WDR43: variants seen among roughly 807,000 people sequenced by gnomAD.
WDR43 encodes WD repeat domain 43.
Under a neutral mutation model 91.4 loss-of-function variants are expected in WDR43, and 13 were observed. The observed-to-expected ratio is 0.14, with a 90% CI of 0.09 to 0.23. The LOEUF is 0.23. WDR43 is among the 10% of genes least tolerant of loss of function. The pLI is 1.00. For synonymous variants in WDR43, 331 were observed against 287.9 expected, an observed-to-expected ratio of 1.15 and a Z score of -1.51; for missense variants, 780 against 809.4, an observed-to-expected ratio of 0.96 and a Z score of 0.44.
chr2:28,903,384 T>G (rs1001811389), intron 2 of WDR43, among the ~76,000 whole-genome samples: 1 of 152,176 alleles, frequency 6.6e-6, no homozygotes, highest in Non-Finnish European at 1.5e-5. Context: ...TTTTACTAAT[T>G]TATGCTTAAT....
Position 28,927,259 on chromosome 2 carries a change from TTAG to T in WDR43, c.1174-305_1174-303del, listed in dbSNP as rs1328873641. On this transcript the variant is annotated intron_variant, in intron 9 of 17. Transcript: ENST00000407426. Reference sequence around the variant, plus strand: ...TGTAGTTTTTTAAAGCCAGTTGAATTTAGTAGTGGGGGCTTGTATACCAACGTT... The same window carrying T: ...TGTAGTTTTTTAAAGCCAGTTGAATTTAGTGGGGGCTTGTATACCAACGTT... The T allele has an allele frequency of 1.2e-5, 6 of 480,436 alleles. No individual in the cohort carries two copies. The East Asian group carries it at 3.1e-4, about 25-fold the overall frequency. 29.8% of individuals were successfully genotyped at this position (480,436 alleles called of 1,614,324 possible).
chr2:28,914,098 G>A lies in WDR43; in HGVS notation c.636G>A (p.Ser212=), dbSNP rs1422556703. The A allele has an allele frequency of 1.9e-6, 3 of 1,613,770 alleles. No individual in the cohort carries two copies. The highest frequency in any genetic ancestry group is 2.5e-6 in the Non-Finnish European group (3 of 1,179,830). The change falls in exon 5 of 18, where the codon TCG becomes TCA. Residue 212 remains serine, a synonymous_variant. Coordinates refer to ENST00000407426, the MANE Select transcript of WDR43 (RefSeq NM_015131.3). The part of the protein sequence containing the change: ...RHFTGHATPV[S]SLMFTTIRPP... ...TCACAGGACATGCAACGCCAGTTTC[G>A]TCACTGATGTTCACTACCATCAGAC...
chr2:28,908,255 C>T (rs1368109049), intron 3 of WDR43, among the ~76,000 whole-genome samples: 1 of 152,106 alleles, frequency 6.6e-6, no homozygotes, highest in African/African-American at 2.4e-5. Flanking sequence ...GACAAGTTGG[C>T]TTTGAAATAA....
intron 3 of WDR43, among the ~76,000 whole-genome samples, chr2:28,912,129 T>C (rs1670813383): frequency 6.6e-6 from 1 of 152,168 alleles, no homozygotes; most frequent in South Asian, 2.1e-4. Flanking sequence ...GGGTTGCAAC[T>C]TTAGAGAAAT....
At chr2:28,898,902 C>G (rs1336605983) in intron 1 of WDR43, among the ~76,000 whole-genome samples, 1 of 152,126 alleles carries the variant, frequency 6.6e-6, no homozygotes, top group African/African-American at 2.4e-5. Flanking sequence ...GTGCTTTTTT[C>G]TGTCTTCATC....
intron 2 of WDR43, among the ~76,000 whole-genome samples, chr2:28,905,886 T>A (rs536107455): frequency 2.6e-5 from 4 of 152,120 alleles, no homozygotes; most frequent in African/African-American, 9.6e-5. Flanking sequence ...AGGCTGGTCC[T>A]GACCTCAGGT....
chr2:28,946,742 C>A lies in WDR43; in HGVS notation c.1997C>A (p.Ser666Tyr). 1 of 1,587,000 alleles carries A rather than the reference C, an allele frequency of 6.3e-7. No homozygotes were observed. The highest frequency in any genetic ancestry group is 1.2e-5 in the South Asian group (1 of 86,578). Residue 666 changes from serine to tyrosine, a missense_variant, in exon 18 of 18, where the codon TCT becomes TAT. By Grantham distance (144) the Ser-to-Tyr change is moderately radical. Around this residue, in one of 4 missense-constraint regions of WDR43, gnomAD observed 426 missense variants for 467.8 expected, o/e 0.91. Coordinates refer to ENST00000407426, the MANE Select transcript of WDR43 (RefSeq NM_015131.3). ...AGTGAAAAAGAATTAAATGGAGATT[C>A]TGATTTAGATCCTGAAAATGAAAGT... ...TASEKELNGD[S>Y]DLDPENESEE...
At chr2:28,896,228 T>A (rs1670478273) in intron 1 of WDR43, among the ~76,000 whole-genome samples, 1 of 152,134 alleles carries the variant, frequency 6.6e-6, no homozygotes. Flanking sequence ...TACGGAGCAG[T>A]GGTTAGGTAG....
At chr2:28,926,892 A>T (rs1043255750) in intron 9 of WDR43, among the ~76,000 whole-genome samples, 1 of 152,216 alleles carries the variant, frequency 6.6e-6, no homozygotes, top group African/African-American at 2.4e-5. Flanking sequence ...TTAAAAGAGC[A>T]TTACTTTGCT....
At chr2:28,912,052 C>T (rs1162311023) in intron 3 of WDR43, among the ~76,000 whole-genome samples, 1 of 152,122 alleles carries the variant, frequency 6.6e-6, no homozygotes, top group Non-Finnish European at 1.5e-5. Flanking sequence ...GTCATTTGTA[C>T]CTAATTAATT....
intron 3 of WDR43, among the ~76,000 whole-genome samples, chr2:28,909,125 C>G (rs188098703): frequency 6.6e-6 from 1 of 151,798 alleles, no homozygotes; most frequent in African/African-American, 2.4e-5. Flanking sequence ...ATGATTATCC[C>G]GAGATTTTTT....
chr2:28,915,751 G>T (rs1394289126), intron 5 of WDR43, among the ~76,000 whole-genome samples: 1 of 152,064 alleles, frequency 6.6e-6, no homozygotes, highest in Admixed American at 6.6e-5. Flanking sequence ...GCTGAATGAA[G>T]ATTAAAAGAT....
chr2:28,898,462 A>G (rs968102993), intron 1 of WDR43, among the ~76,000 whole-genome samples: 1 of 152,218 alleles, frequency 6.6e-6, no homozygotes, highest in African/African-American at 2.4e-5. Context: ...GACTTAATTG[A>G]TTTGTTATAA....
At chr2:28,894,964 G>A in intron 1 of WDR43, 41 bp downstream of exon 1, 3 of 1,480,084 alleles carry the variant, frequency 2.0e-6, no homozygotes, top group Non-Finnish European at 2.7e-6. Flanking sequence ...GCCTTCCCGG[G>A]CTCGGCTTCG....
chr2:28,909,670 C>T (rs1056084403), intron 3 of WDR43, among the ~76,000 whole-genome samples: 8 of 151,932 alleles, frequency 5.3e-5, no homozygotes, highest in South Asian at 2.1e-4. Context: ...CTTAGGAGTT[C>T]GAGACTGTCC....
chr2:28,935,277 A>G lies in WDR43; in HGVS notation c.1438-244A>G, dbSNP rs150682739. Among the ~76,000 whole-genome samples, 210 of 152,230 alleles carry G rather than the reference A, an allele frequency of 1.4e-3. 1 individual carries two copies. The highest frequency in any genetic ancestry group is 4.8e-3 in the African/African-American group (198 of 41,512). On this transcript the variant is annotated intron_variant, in intron 11 of 17. Transcript: ENST00000407426. ...GTTTTAATAAAACACAAAGAAGTAA[A>G]ATTACTTCAGTAATGAAGTAAATTT...
chr2:28,902,767 G>A (rs1370893950), intron 2 of WDR43, among the ~76,000 whole-genome samples: 6 of 152,090 alleles, frequency 3.9e-5, no homozygotes, highest in Admixed American at 6.5e-5. Flanking sequence ...CCTATGGATC[G>A]AGCTGGGAAA....
intron 10 of WDR43, chr2:28,927,945 A>G: frequency 2.4e-6 from 1 of 412,756 alleles, no homozygotes; most frequent in Non-Finnish European, 4.3e-6. Context: ...GTTAGTAGTT[A>G]GCTGGGTAAC....
intron 2 of WDR43, 84 bp from the exon 3 acceptor site, chr2:28,906,376 T>G (rs1371741938): frequency 1.5e-6 from 2 of 1,368,794 alleles, no homozygotes; most frequent in East Asian, 5.2e-5. Flanking sequence ...AATCCCAGCA[T>G]CTTGGGAGAG....
Sources: gnomAD v4.1 joint callset for allele counts (sites outside exome capture counted in the v4.1 genomes callset) on GRCh38, gnomAD v4.1.1 for gene constraint, gnomAD v4.1.1 regional missense constraint, MANE v1.5 for transcripts, NCBI Gene and HGNC (gene_info 2026-07-23, HGNC 2026-07-21) for gene names.